EPHB2: variants seen among roughly 807,000 people sequenced by gnomAD.
The protein encoded by EPHB2 is ephrin type-B receptor 2.
A neutral mutation model predicts 96.4 loss-of-function variants in EPHB2; 18 were observed. That is an observed-to-expected ratio of 0.19 (90% CI 0.13 to 0.28). The LOEUF (loss-of-function observed/expected upper bound fraction) is 0.28. EPHB2 is among the 10% of genes least tolerant of loss of function. EPHB2 has a pLI of 1.00. For synonymous variants in EPHB2, 506 were observed against 534.1 expected (o/e 0.95, Z 0.72); for missense variants, 989 against 1,355.4 (o/e 0.73, Z 4.25).
At chr1:22,769,097 C>T (rs1644344853) in intron 1 of EPHB2, among the ~76,000 whole-genome samples, 1 of 152,162 alleles carries the variant, frequency 6.6e-6, no homozygotes, top group African/African-American at 2.4e-5. Context: ...ATTCACTGGC[C>T]CCTCTTTGGG....
intron 1 of EPHB2, among the ~76,000 whole-genome samples, chr1:22,735,974 T>C (rs965423934): frequency 6.6e-6 from 1 of 152,186 alleles, no homozygotes; most frequent in Non-Finnish European, 1.5e-5. Context: ...GTTCAAATCC[T>C]GGCTTACACC....
intron 1 of EPHB2, among the ~76,000 whole-genome samples, chr1:22,749,382 T>C (rs1369098364): frequency 6.6e-6 from 1 of 152,180 alleles, no homozygotes; most frequent in Non-Finnish European, 1.5e-5. Flanking sequence ...AAAAGAGGAA[T>C]GCAGGGCAGG....
chr1:22,851,506 T>G (rs1177242291), intron 3 of EPHB2, among the ~76,000 whole-genome samples: 2 of 152,158 alleles, frequency 1.3e-5, no homozygotes, highest in Non-Finnish European at 2.9e-5. Context: ...CCCCTTCTCT[T>G]CCCTCCAATG....
intron 3 of EPHB2, among the ~76,000 whole-genome samples, chr1:22,810,779 T>C (rs1172494255): frequency 1.3e-5 from 2 of 151,972 alleles, no homozygotes; most frequent in Non-Finnish European, 2.9e-5. Context: ...TCCTTGTCAC[T>C]TAATTTCCCC....
intron 1 of EPHB2, among the ~76,000 whole-genome samples, chr1:22,744,852 CAAAAAAAGAA>C (rs540963417): frequency 2.5e-4 from 36 of 145,534 alleles, no homozygotes; most frequent in East Asian, 1.6e-3. Flanking sequence ...GACTGTGTCT[CAAAAAAAGAA>C]AAAAAAAGAA....
At chr1:22,743,127 A>G (rs552570466) in intron 1 of EPHB2, among the ~76,000 whole-genome samples, 2 of 152,112 alleles carry the variant, frequency 1.3e-5, no homozygotes, top group South Asian at 4.2e-4. Context: ...CCTGGGCTCA[A>G]ACGGTCCTTC....
chr1:22,814,023 T>C lies in EPHB2; in HGVS notation c.811+28947T>C, dbSNP rs577599064. On this transcript the variant is annotated intron_variant, in intron 3 of 15. Transcript: ENST00000374630. ...ACCCTCTCTACTGAAAATACAAAAA[T>C]TAGTAGGACAGGGTGGCGGGCACCT... Among the ~76,000 whole-genome samples, 11 of 151,878 alleles carry C rather than the reference T, an allele frequency of 7.2e-5. No homozygotes were observed. The South Asian group carries it at 1.9e-3, about 26-fold the overall frequency.
chr1:22,849,826 A>G (rs1336079871), intron 3 of EPHB2, among the ~76,000 whole-genome samples: 1 of 152,188 alleles, frequency 6.6e-6, no homozygotes, highest in Non-Finnish European at 1.5e-5. Context: ...GCCTGGAAAA[A>G]AAACTGCCCT....
rs367647741 is a variant in EPHB2, at chr1:22,803,616, AAT to A, written c.811+18553_811+18554del. 6.5e-3 allele frequency among the ~76,000 whole-genome samples: 739 copies of A among 114,338 alleles called. 4 individuals are homozygous for A. The highest frequency in any genetic ancestry group is 0.033 in the African/African-American group (673 of 20,676). 75.0% of individuals were successfully genotyped at this position (114,338 alleles called of 152,430 possible). ...GTGAGACCCTGTCTCAAAAAAAAAT[AAT>A]ATATATATATATGTGTATATATATG... On this transcript the variant is annotated intron_variant, in intron 3 of 15. Coordinates refer to ENST00000374630, the MANE Select transcript of EPHB2 (RefSeq NM_017449.5).
At chr1:22,902,569 G>C (rs1639784030) in intron 9 of EPHB2, among the ~76,000 whole-genome samples, 1 of 152,154 alleles carries the variant, frequency 6.6e-6, no homozygotes, top group Non-Finnish European at 1.5e-5. Context: ...AATTCTCAAA[G>C]ACATTCAAGA....
Position 22,906,200 on chromosome 1 carries a change from G to A in EPHB2, c.1888+91G>A. On this transcript the variant is annotated intron_variant, in intron 10 of 15. Coordinates refer to ENST00000374630, the MANE Select transcript of EPHB2 (RefSeq NM_017449.5). The surrounding 1 kb of genome is among the most constrained non-coding windows in gnomAD (Gnocchi z 4.8). ...ATACCCTTGGGGCAGAAGGTAGGAT[G>A]TGGGACAGGCGCCTCAAAGGACCCC... 6.3e-7 allele frequency: 1 copy of A among 1,595,582 alleles called. No individual in the cohort carries two copies.
intron 1 of EPHB2, among the ~76,000 whole-genome samples, chr1:22,727,796 CAAAAAAAAAAAAAA>C (rs1386682379): frequency 1.3e-5 from 1 of 74,310 alleles, no homozygotes; most frequent in South Asian, 6.2e-4. Context: ...AAAAAAAAAA[CAAAAAAAAAAAAAA>C]CTTTTTTTTT....
Position 22,868,824 on chromosome 1 carries a change from C to G in EPHB2, c.1303+3612C>G, listed in dbSNP as rs561187581. On this transcript the variant is annotated intron_variant, in intron 5 of 15. Transcript: ENST00000374630. ...GAAGAACTGGGGTCATTGTTCTAATCTACCATGCACGTGAAAATCACTTCC... is the reference window on the plus strand; with the variant it reads ...GAAGAACTGGGGTCATTGTTCTAATGTACCATGCACGTGAAAATCACTTCC... 1.5e-4 allele frequency among the ~76,000 whole-genome samples: 23 copies of G among 152,302 alleles called. No individual in the cohort carries two copies. The East Asian group carries it at 1.9e-3, about 13-fold the overall frequency.
At chr1:22,789,205 A>G (rs1037719364) in intron 3 of EPHB2, among the ~76,000 whole-genome samples, 2 of 152,214 alleles carry the variant, frequency 1.3e-5, no homozygotes, top group African/African-American at 2.4e-5. Flanking sequence ...CACCCCAGGG[A>G]TTGTCCTCCC....
At chr1:22,824,960 C>G (rs12401695) in intron 3 of EPHB2, among the ~76,000 whole-genome samples, 38,360 of 152,058 alleles carry the variant, frequency 0.25, 5,419 homozygotes, top group East Asian at 0.53. Flanking sequence ...TGCAGCCCTG[C>G]GGGAAGGGGA....
chr1:22,770,681 C>G (rs1644368961), intron 1 of EPHB2, among the ~76,000 whole-genome samples: 1 of 152,194 alleles, frequency 6.6e-6, no homozygotes, highest in South Asian at 2.1e-4. Flanking sequence ...CCTGGATCTG[C>G]TGTGTACTCG....
At chr1:22,809,489 A>G (rs774932229) in intron 3 of EPHB2, among the ~76,000 whole-genome samples, 9 of 152,218 alleles carry the variant, frequency 5.9e-5, no homozygotes, top group Admixed American at 2.0e-4. Context: ...TACATAACGT[A>G]TATGTTATAT....
chr1:22,747,157 C>G (rs896384252), intron 1 of EPHB2, among the ~76,000 whole-genome samples: 1 of 152,196 alleles, frequency 6.6e-6, no homozygotes, highest in African/African-American at 2.4e-5. Context: ...GGGAGAACTG[C>G]CTTCTGCTCA....
intron 1 of EPHB2, among the ~76,000 whole-genome samples, chr1:22,754,845 G>GTGAGA: frequency 3.9e-5 from 1 of 25,696 alleles, no homozygotes. Context: ...GGGAGGGGAG[G>GTGAGA]TGAGGGACAG....
Sources: gnomAD v4.1 joint callset for allele counts (sites outside exome capture counted in the v4.1 genomes callset) on GRCh38, gnomAD v4.1.1 for gene constraint, Gnocchi (gnomAD v3.1) non-coding constraint, MANE v1.5 for transcripts, NCBI Gene and HGNC (gene_info 2026-07-23, HGNC 2026-07-21) for gene names.